The following CNRIP1 variants were observed in gnomAD, a reference collection of about 807,000 sequenced individuals.
CNRIP1 encodes cannabinoid receptor interacting protein 1.
In CNRIP1, 10 loss-of-function variants were observed where a neutral mutation model predicts 15.2. The observed-to-expected ratio is 0.66, with a 90% CI of 0.41 to 1.12. The LOEUF (loss-of-function observed/expected upper bound fraction) is 1.12, where lower values mean the gene tolerates loss of function less well. Among genes scored for constraint, CNRIP1 ranks in the 50% most tolerant of loss-of-function variants. The probability of loss-of-function intolerance (pLI) is 0.00; values close to 1 mark genes in which losing one functional copy is unlikely to be tolerated. For synonymous variants in CNRIP1, 91 were observed against 83.2 expected, an observed-to-expected ratio of 1.09 and a Z score of -0.51; for missense variants, 211 against 214.7, an observed-to-expected ratio of 0.98 and a Z score of 0.11.
At chr2:68,306,121 C>T (rs1296182304) in intron 2 of CNRIP1, among the ~76,000 whole-genome samples, 1 of 10,774 alleles carries the variant, frequency 9.3e-5, no homozygotes, top group African/African-American at 6.0e-4. Context: ...GACCCCACCT[C>T]TACAAAAAAA....
intron 2 of CNRIP1, among the ~76,000 whole-genome samples, chr2:68,301,319 A>G: frequency 6.6e-6 from 1 of 152,244 alleles, no homozygotes; most frequent in African/African-American, 2.4e-5. Flanking sequence ...TTGGAGAAAG[A>G]GCACCTGACA....
intron 2 of CNRIP1, among the ~76,000 whole-genome samples, chr2:68,305,333 T>C (rs1671793913): frequency 6.8e-6 from 1 of 146,606 alleles, no homozygotes; most frequent in Non-Finnish European, 1.5e-5. Context: ...ACATATATAA[T>C]ATATATTTAA....
At position 68,310,933 on chromosome 2, in the gene CNRIP1, A is replaced by G. The variant is rs191423696; in HGVS notation, c.330+6224T>C. Among the ~76,000 whole-genome samples, 294 of 152,310 alleles carry G rather than the reference A, an allele frequency of 1.9e-3. 2 individuals are homozygous for G. The highest frequency in any genetic ancestry group is 3.2e-3 in the Non-Finnish European group (220 of 68,014). On this transcript the variant is annotated intron_variant, in intron 2 of 2. Coordinates refer to ENST00000263655, the MANE Select transcript of CNRIP1 (RefSeq NM_015463.3). ...GTTATAGAATTTAGAAGATAAGCAC[A>G]AGACTAGAAATAGAAGAATCAGTGA... is the stretch of plus-strand genomic sequence containing the variant.
chr2:68,305,274 ATG>A (rs10601379), intron 2 of CNRIP1, among the ~76,000 whole-genome samples: 20,087 of 119,946 alleles, frequency 0.17, 1,857 homozygotes, highest in Non-Finnish European at 0.19. Context: ...ATATATATAT[ATG>A]TGTGTGTGTG....
rs777868001 is a variant in CNRIP1 at position 68,319,387 on chromosome 2, G to C, written c.14C>G (p.Pro5Arg). 1.3e-6 allele frequency: 2 copies of C among 1,578,440 alleles called. No individual in the cohort carries two copies. The highest frequency in any genetic ancestry group is 1.7e-6 in the Non-Finnish European group (2 of 1,164,500). MGDL[P>R]GLVRLSIALR... ...CGCGATGGAGAGGCGCACGAGGCCCGGCAGGTCCCCCATGTCTGGGCGAGG... is the reference window on the plus strand; with the variant it reads ...CGCGATGGAGAGGCGCACGAGGCCCCGCAGGTCCCCCATGTCTGGGCGAGG... Residue 5 changes from proline to arginine, a missense_variant, in exon 1 of 3, where the codon CCG becomes CGG. Coordinates refer to ENST00000263655, the MANE Select transcript of CNRIP1 (RefSeq NM_015463.3).
At chr2:68,296,552 GTA>G (rs1396279559) in intron 2 of CNRIP1, among the ~76,000 whole-genome samples, 1 of 119,486 alleles carries the variant, frequency 8.4e-6, no homozygotes, top group Admixed American at 8.7e-5. Flanking sequence ...AAATGTATGT[GTA>G]TATATGTGTA....
intron 2 of CNRIP1, among the ~76,000 whole-genome samples, chr2:68,315,358 A>G (rs1291151584): frequency 6.6e-6 from 1 of 152,194 alleles, no homozygotes; most frequent in Non-Finnish European, 1.5e-5. Context: ...TTAAATACAG[A>G]TGATAGGCGT....
intron 2 of CNRIP1, among the ~76,000 whole-genome samples, chr2:68,314,788 T>C (rs1573037371): frequency 1.3e-5 from 2 of 152,058 alleles, no homozygotes; most frequent in African/African-American, 2.4e-5. Context: ...AAACTGACCT[T>C]TGGAGAAGCA....
chr2:68,300,549 G>A (rs532016409), intron 2 of CNRIP1, among the ~76,000 whole-genome samples: 5 of 152,024 alleles, frequency 3.3e-5, no homozygotes, highest in East Asian at 1.9e-4. Flanking sequence ...CCTGGAAAAC[G>A]GAGGTTGCAG....
intron 2 of CNRIP1, among the ~76,000 whole-genome samples, chr2:68,294,408 T>G (rs1342148777): frequency 6.6e-6 from 1 of 152,202 alleles, no homozygotes; most frequent in African/African-American, 2.4e-5. Flanking sequence ...GGTTCACCCC[T>G]GTAATCCCAG....
intron 2 of CNRIP1, 106 bp downstream of exon 2, chr2:68,317,051 T>C (rs747531598): frequency 5.2e-6 from 7 of 1,352,930 alleles, no homozygotes; most frequent in Non-Finnish European, 7.4e-6. Context: ...TCCACAGTAA[T>C]TGGCTCCCAA....
At chr2:68,315,934 C>A (rs1327709356) in intron 2 of CNRIP1, 1 of 152,190 alleles carries the variant, frequency 6.6e-6, no homozygotes, top group Admixed American at 6.5e-5. Flanking sequence ...TTTCTAAGAA[C>A]ATTTATTGAC....
At chr2:68,308,995 A>T (rs762743009) in intron 2 of CNRIP1, among the ~76,000 whole-genome samples, 13 of 152,230 alleles carry the variant, frequency 8.5e-5, no homozygotes, top group African/African-American at 3.1e-4. Flanking sequence ...AAAAAAAGTT[A>T]AAAAGCCTTT....
At chr2:68,305,620 C>G (rs1671807692) in intron 2 of CNRIP1, among the ~76,000 whole-genome samples, 1 of 150,188 alleles carries the variant, frequency 6.7e-6, no homozygotes, top group Admixed American at 6.7e-5. Context: ...ACGGTGAAAC[C>G]CCGTCTCTAC....
intron 2 of CNRIP1, among the ~76,000 whole-genome samples, chr2:68,303,028 T>C (rs1671674298): frequency 6.6e-6 from 1 of 151,928 alleles, no homozygotes; most frequent in Non-Finnish European, 1.5e-5. Context: ...TTTGTATTTT[T>C]AGTAGAGACG....
At chr2:68,302,175 T>C (rs570606311) in intron 2 of CNRIP1, among the ~76,000 whole-genome samples, 20 of 152,348 alleles carry the variant, frequency 1.3e-4, no homozygotes, top group African/African-American at 4.8e-4. Context: ...CTTAATTTCC[T>C]ACATCTTATG....
intron 2 of CNRIP1, among the ~76,000 whole-genome samples, chr2:68,309,970 T>C (rs1336306043): frequency 6.6e-6 from 1 of 152,178 alleles, no homozygotes; most frequent in Non-Finnish European, 1.5e-5. Context: ...TATGTATGTA[T>C]GTATGTATGC....
chr2:68,288,857 A>G (rs1671094923), downstream of CNRIP1, among the ~76,000 whole-genome samples: 1 of 152,236 alleles, frequency 6.6e-6, no homozygotes, highest in Non-Finnish European at 1.5e-5. Context: ...AATGAAATAC[A>G]TTTGTCAAGA....
At chr2:68,296,769 C>G (rs1671378001) in intron 2 of CNRIP1, among the ~76,000 whole-genome samples, 1 of 152,248 alleles carries the variant, frequency 6.6e-6, no homozygotes, top group Admixed American at 6.5e-5. Flanking sequence ...TCCTGAGTAG[C>G]TGGGATTACA....
Sources: allele counts gnomAD v4.1 joint callset (sites outside exome capture counted in the v4.1 genomes callset), GRCh38; gene constraint gnomAD v4.1.1; transcripts MANE v1.5; gene names NCBI Gene and HGNC (gene_info 2026-07-23, HGNC 2026-07-21).